Variants in PTPRD observed in about 807,000 individuals in gnomAD.
PTPRD encodes the protein protein tyrosine phosphatase receptor type D.
A neutral mutation model predicts 214.5 loss-of-function variants in PTPRD; 34 were observed. The observed-to-expected ratio is 0.16, with a 90% CI of 0.12 to 0.21. PTPRD has a LOEUF of 0.21. Ranked by LOEUF, PTPRD falls within the 10% of genes least tolerant of loss-of-function variation. The probability of loss-of-function intolerance (pLI) is 1.00; values close to 1 mark genes in which losing one functional copy is unlikely to be tolerated. For missense variants in PTPRD, 2,545 were observed against 2,398.7 expected, an observed-to-expected ratio of 1.06 and a Z score of -1.27; for synonymous variants, 1,128 against 845.7, an observed-to-expected ratio of 1.33 and a Z score of -5.79.
chr9:9,112,814 T>C (rs1434950730), intron 10 of PTPRD, among the ~76,000 whole-genome samples: 10 of 152,250 alleles, frequency 6.6e-5, no homozygotes, highest in Admixed American at 5.2e-4. Flanking sequence ...GCAGATAAAA[T>C]TCATGGGACC....
chr9:8,969,851 T>C (rs1055594724), intron 11 of PTPRD, among the ~76,000 whole-genome samples: 2 of 151,878 alleles, frequency 1.3e-5, no homozygotes, highest in Non-Finnish European at 2.9e-5. Context: ...TTTTATAGAG[T>C]TTACATTCTA....
rs950175224 is a variant in PTPRD at position 10,310,796 on chromosome 9, T to C, written c.-545+30167A>G. Reference sequence around the variant, plus strand: ...AATAACAGACAGCTGTAGTGAAATTTTGACAAGTCTGAATAGTTGTTAAAC... The same window carrying C: ...AATAACAGACAGCTGTAGTGAAATTCTGACAAGTCTGAATAGTTGTTAAAC... On this transcript the variant is annotated intron_variant, in intron 3 of 45. Coordinates refer to ENST00000381196, the MANE Select transcript of PTPRD (RefSeq NM_002839.4). 3.9e-5 allele frequency among the ~76,000 whole-genome samples: 6 copies of C among 152,234 alleles called. No homozygotes were observed. In the East Asian group the frequency reaches 1.2e-3, roughly 30 times the overall value.
intron 6 of PTPRD, among the ~76,000 whole-genome samples, chr9:9,755,265 C>T (rs2098557085): frequency 6.6e-6 from 1 of 151,968 alleles, no homozygotes; most frequent in South Asian, 2.1e-4. Context: ...AAATGATCAT[C>T]TCCCTTTAAA....
At chr9:8,936,519 G>C (rs983106363) in intron 11 of PTPRD, among the ~76,000 whole-genome samples, 1 of 146,474 alleles carries the variant, frequency 6.8e-6, no homozygotes, top group Admixed American at 6.9e-5. Context: ...AAGCGATTTA[G>C]TGTTTGCTAT....
chr9:8,934,055 C>G (rs192934912), intron 11 of PTPRD, among the ~76,000 whole-genome samples: 1 of 152,128 alleles, frequency 6.6e-6, no homozygotes. Flanking sequence ...TTCCTCAGGA[C>G]TCTTTTGGCC....
At chr9:9,474,944 C>T (rs965779835) in intron 8 of PTPRD, among the ~76,000 whole-genome samples, 1 of 152,022 alleles carries the variant, frequency 6.6e-6, no homozygotes, top group African/African-American at 2.4e-5. Context: ...GGCCTAACTT[C>T]TCTAGCTGGA....
intron 11 of PTPRD, among the ~76,000 whole-genome samples, chr9:8,777,336 C>T (rs955367178): frequency 6.6e-6 from 1 of 151,750 alleles, no homozygotes; most frequent in East Asian, 1.9e-4. Context: ...CAAATTAATA[C>T]ATTTGTCTTT....
chr9:8,560,441 A>ACG (rs2085735253), intron 14 of PTPRD, among the ~76,000 whole-genome samples: 1 of 52,928 alleles, frequency 1.9e-5, no homozygotes, highest in East Asian at 5.0e-4. Context: ...AAAAATACAT[A>ACG]CACACACACA....
At chr9:10,572,169 C>T (rs1307020518) in intron 2 of PTPRD, among the ~76,000 whole-genome samples, 1 of 152,114 alleles carries the variant, frequency 6.6e-6, no homozygotes, top group Non-Finnish European at 1.5e-5. Flanking sequence ...CATGTACCTG[C>T]ATAGTAAAGT....
chr9:9,166,336 A>G (rs562122823), intron 10 of PTPRD, among the ~76,000 whole-genome samples: 1 of 152,190 alleles, frequency 6.6e-6, no homozygotes, highest in East Asian at 1.9e-4. Flanking sequence ...TCTTGTGTTT[A>G]TTCCTGGAAT....
In PTPRD at chr9:8,773,183, G is replaced by A. The variant is rs541038986; in HGVS notation, c.-103-39237C>T. 3.9e-5 allele frequency among the ~76,000 whole-genome samples: 6 copies of A among 152,258 alleles called. No individual in the cohort carries two copies. In the South Asian group the frequency reaches 1.2e-3, roughly 32 times the overall value. On this transcript the variant is annotated intron_variant, in intron 11 of 45. Coordinates refer to ENST00000381196, the MANE Select transcript of PTPRD (RefSeq NM_002839.4). ...GTGGTTCTTTCCCCAGCCTTGGGTA[G>A]TTTGTTCACATGCATTTGCTGGTCA...
intron 9 of PTPRD, among the ~76,000 whole-genome samples, chr9:9,189,032 T>C (rs960466912): frequency 6.6e-6 from 1 of 152,040 alleles, no homozygotes; most frequent in Non-Finnish European, 1.5e-5. Flanking sequence ...CTAAATTACA[T>C]CTTATTCTTC....
chr9:10,529,856 A>G (rs2055627884), intron 2 of PTPRD, among the ~76,000 whole-genome samples: 1 of 151,954 alleles, frequency 6.6e-6, no homozygotes, highest in South Asian at 2.1e-4. Context: ...TTGGACAATG[A>G]GAACACATGG....
intron 8 of PTPRD, among the ~76,000 whole-genome samples, chr9:9,440,971 G>A (rs774754781): frequency 3.3e-5 from 5 of 152,180 alleles, no homozygotes; most frequent in Non-Finnish European, 7.3e-5. Context: ...TGATCTTCAG[G>A]CCTGCTGTTA....
chr9:9,153,916 G>A (rs2099879000), intron 10 of PTPRD, among the ~76,000 whole-genome samples: 1 of 152,124 alleles, frequency 6.6e-6, no homozygotes, highest in Non-Finnish European at 1.5e-5. Flanking sequence ...GGCAGATGGT[G>A]TTATTGTTCT....
chr9:10,024,621 CT>C (rs914888284), intron 4 of PTPRD, among the ~76,000 whole-genome samples: 2 of 151,486 alleles, frequency 1.3e-5, no homozygotes, highest in African/African-American at 2.4e-5. Context: ...TTTTATGATT[CT>C]TTTTTTTAAA....
intron 14 of PTPRD, among the ~76,000 whole-genome samples, chr9:8,568,734 C>G (rs2090189324): frequency 6.6e-6 from 1 of 151,994 alleles, no homozygotes; most frequent in African/African-American, 2.4e-5. Flanking sequence ...CAGTATAAAC[C>G]TGAGTTTTCT....
intron 7 of PTPRD, among the ~76,000 whole-genome samples, chr9:9,650,283 C>T: frequency 6.6e-6 from 1 of 152,134 alleles, no homozygotes; most frequent in East Asian, 1.9e-4. Context: ...AACCGTGAGA[C>T]AATTAAACTT....
intron 5 of PTPRD, 98 bp downstream of exon 5, chr9:9,938,409 G>C (rs755320006): frequency 2.0e-5 from 3 of 152,076 alleles, no homozygotes; most frequent in Admixed American, 1.3e-4. Flanking sequence ...AGCGTAAAAG[G>C]GTTGATGGAG....
Sources: gnomAD v4.1 joint callset for allele counts (sites outside exome capture counted in the v4.1 genomes callset) on GRCh38, gnomAD v4.1.1 for gene constraint, MANE v1.5 for transcripts, NCBI Gene and HGNC (gene_info 2026-07-23, HGNC 2026-07-21) for gene names.